The following CPT1B variants were observed in gnomAD, a reference collection of about 807,000 sequenced individuals.
CPT1B encodes carnitine palmitoyltransferase 1B.
A neutral mutation model predicts 92.7 loss-of-function variants in CPT1B; 57 were observed. That is an observed-to-expected ratio of 0.62 (90% confidence interval 0.50 to 0.77). CPT1B has a LOEUF of 0.77. Ranked by LOEUF, CPT1B falls within the 30% of genes least tolerant of loss-of-function variation. CPT1B has a pLI of 0.00. For missense variants in CPT1B, 983 were observed against 1,017.4 expected, an observed-to-expected ratio of 0.97 and a Z score of 0.46; for synonymous variants, 398 against 383.5, an observed-to-expected ratio of 1.04 and a Z score of -0.44.
In CPT1B at chr22:50,569,143, A is replaced by G. The variant is rs970060108; in HGVS notation, c.*3-62T>C. 6.0e-5 allele frequency: 32 copies of G among 533,892 alleles called. 1 individual carries two copies. Among genetic ancestry groups the G allele is most frequent in the Admixed American group, 5.6e-4 (16 of 28,730 alleles). 33.1% of individuals were successfully genotyped at this position (533,892 alleles called of 1,614,324 possible). A position where few individuals can be genotyped will look rare whatever the true frequency, so the allele number is the denominator to read the frequency against. On this transcript the variant is annotated intron_variant, in intron 19 of 19. Transcript: ENST00000312108. The stretch of plus-strand genomic sequence containing the variant: ...TCTATCAAGAAAAAAAAAAATCAAA[A>G]TTCCCTTCCTGCTCCAACCCCACCT...
chr22:50,576,323 C>G lies in CPT1B; in HGVS notation c.574G>C (p.Val192Leu), dbSNP rs967399238. ...TCCTCATCATCCAACAAGGGGCGCA[C>G]AGACTCTAGGTACTGTCCAGCCAGT... ...SATIQRYLES[V>L]RPLLDDEEYY... is the part of the protein sequence containing the mutation. The change falls in exon 6 of 20, where the codon GTG becomes CTG. Residue 192 changes from valine (V) to leucine (L), a missense_variant. Transcript: ENST00000312108. 6.2e-7 allele frequency: 1 copy of G among 1,613,958 alleles called. No individual in the cohort carries two copies. Among genetic ancestry groups the G allele is most frequent in the Admixed American group, 1.7e-5 (1 of 60,000 alleles).
chr22:50,577,925 TGGTCGGCACCTAGGAC>T lies in CPT1B; in HGVS notation c.-19-7_-11del, dbSNP rs765527353. The T allele has an allele frequency of 2.5e-6, 4 of 1,605,350 alleles. No homozygotes were observed. The Admixed American group carries it at 5.0e-5, about 20-fold the overall frequency. ...GGTGAGCTTCCGCCATCCTGGGGGT[TGGTCGGCACCTAGGAC>T]GGGGGCAGATGGGTGCGCGGGCGCG... On this transcript the variant is annotated splice_acceptor_variant and splice_polypyrimidine_tract_variant and 5_prime_UTR_variant and intron_variant, in exon 2 of 20. Coordinates refer to ENST00000312108, the MANE Select transcript of CPT1B (RefSeq NM_152246.3). LOFTEE classifies it low-confidence loss of function (5UTR_SPLICE).
intron 4 of CPT1B, 55 bp downstream of exon 4, chr22:50,576,802 G>C: frequency 6.2e-7 from 1 of 1,604,276 alleles, no homozygotes; most frequent in Non-Finnish European, 8.5e-7. Context: ...AACCCCAAAG[G>C]AGTCCAAAGA....
chr22:50,573,709 A>G lies in CPT1B; in HGVS notation c.977T>C (p.Leu326Pro). 6.2e-7 allele frequency: 1 copy of G among 1,612,176 alleles called. No individual in the cohort carries two copies. Among genetic ancestry groups the G allele is most frequent in the South Asian group, 1.1e-5 (1 of 91,008 alleles). ...TRIPGKDTDV[L>P]QHLSDSRHVA... is the part of the protein sequence containing the mutation. Reference sequence around the variant, plus strand: ...GTGCCGGCTGTCTGAGAGGTGCTGTAGCACATCTGTGATACAGGCCACGGG... The same window carrying G: ...GTGCCGGCTGTCTGAGAGGTGCTGTGGCACATCTGTGATACAGGCCACGGG... Residue 326 changes from leucine (L) to proline (P), a missense_variant, in exon 10 of 20, where the codon CTA (leucine) becomes CCA (proline). Transcript: ENST00000312108. This position sits in a 1 kb window ranked among gnomAD's most constrained non-coding sequence, Gnocchi z 5.0.
In CPT1B at chr22:50,572,926, G is replaced by A. The variant is rs774272143; in HGVS notation, c.1301C>T (p.Ala434Val). Residue 434 changes from alanine to valine, a missense_variant, in exon 11 of 20, where the codon GCC becomes GTC. Transcript: ENST00000312108. The part of the protein sequence containing the change: ...ESYSYDPEDE[A>V]SLSLYGKALL... ...GGCCTTGCCATAGAGGCTGAGGCTG[G>A]CCTCATCTTCGGGGTCATAGGAGTA... 11 of 1,613,464 alleles carry A rather than the reference G, an allele frequency of 6.8e-6. No homozygotes were observed. Among genetic ancestry groups the A allele is most frequent in the Admixed American group, 5.0e-5 (3 of 60,002 alleles).
Position 50,571,376 on chromosome 22 carries a change from C to A in CPT1B, c.1739G>T (p.Arg580Leu), listed in dbSNP as rs145751063. ...VQIALQLAHF[R>L]DRGKFCLTYE... Reference sequence around the variant, plus strand: ...AGCAGCGGGAGGCGGGGCTCCTACCCGGAAGTGAGCCAGCTGCAGCGCGAT... The same window carrying A: ...AGCAGCGGGAGGCGGGGCTCCTACCAGGAAGTGAGCCAGCTGCAGCGCGAT... Residue 580 changes from arginine to leucine, a missense_variant and splice_region_variant, in exon 14 of 20, where the codon CGG (arginine) becomes CTG (leucine). Coordinates refer to ENST00000312108, the MANE Select transcript of CPT1B (RefSeq NM_152246.3). 60 of 1,613,616 alleles carry A rather than the reference C, an allele frequency of 3.7e-5. No homozygotes were observed.
Position 50,573,392 on chromosome 22 carries a change from GACC to G in CPT1B, c.1166+125_1166+127del, listed in dbSNP as rs1357407374. 4.0e-5 allele frequency: 33 copies of G among 831,488 alleles called. No homozygotes were observed. Among genetic ancestry groups the G allele is most frequent in the Non-Finnish European group, 3.9e-5 (21 of 537,560 alleles). 51.5% of individuals were successfully genotyped at this position (831,488 alleles called of 1,614,324 possible). A position where few individuals can be genotyped will look rare whatever the true frequency, so the allele number is the denominator to read the frequency against. ...GTTATGCTGGCTGTCCTGCTGCCAT[GACC>G]ACCAATGCCCCTCCCCTAGTTGTGC... On this transcript the variant is annotated intron_variant, in intron 10 of 19. Coordinates refer to ENST00000312108, the MANE Select transcript of CPT1B (RefSeq NM_152246.3). The surrounding 1 kb of genome is among the most constrained non-coding windows in gnomAD (Gnocchi z 5.0).
At chr22:50,577,677 G>T in intron 2 of CPT1B, 98 bp downstream of exon 2, 1 of 1,532,528 alleles carries the variant, frequency 6.5e-7, no homozygotes, top group Non-Finnish European at 8.9e-7. Flanking sequence ...GTACCGGGCA[G>T]AAGTGCCAGC....
rs2070462578 is a variant in CPT1B, at chr22:50,576,842, C to G, written c.459+15G>C. ...CAACCCAGGTGCCTGAACCCCTCCA[C>G]TGGCTGCTGCTCACAGCCCAGATCC... is the stretch of plus-strand genomic sequence containing the variant. On this transcript the variant is annotated intron_variant, in intron 4 of 19. Transcript: ENST00000312108. 6.2e-7 allele frequency: 1 copy of G among 1,613,724 alleles called. No homozygotes were observed.
chr22:50,574,662 G>A (rs2070352249), intron 7 of CPT1B, 62 bp from the exon 8 acceptor site: 1 of 1,318,776 alleles, frequency 7.6e-7, no homozygotes, highest in Non-Finnish European at 1.1e-6. Flanking sequence ...GAGTCTTGCT[G>A]ACCCAAGGAC....
chr22:50,574,530 ATG>A lies in CPT1B; in HGVS notation c.846_847del (p.Met283ValfsTer4). The A allele has an allele frequency of 6.2e-7, 1 of 1,614,118 alleles. No homozygotes were observed. The highest frequency in any genetic ancestry group is 8.5e-7 in the Non-Finnish European group (1 of 1,180,010). ...TTCACGGTCCAGTTTACGGCGATAC[ATG>A]ATCATGGCGTGGATGATGTTTCCCA... On this transcript the variant is annotated frameshift_variant, in exon 8 of 20. Transcript: ENST00000312108. LOFTEE classifies it high-confidence loss of function.
rs149419563 is a variant in CPT1B at position 50,569,888 on chromosome 22, G to A, written c.2143-220C>T. 1.8e-4 allele frequency among the ~76,000 whole-genome samples: 28 copies of A among 152,252 alleles called. No homozygotes were observed. The East Asian group carries it at 3.9e-3, about 21-fold the overall frequency. On this transcript the variant is annotated intron_variant, in intron 17 of 19. Coordinates refer to ENST00000312108, the MANE Select transcript of CPT1B (RefSeq NM_152246.3). ...TGGGACCTCCCAGTTTCCCTCAGGG[G>A]GCTTATTCTCTAGATCACTCCGTCT...
Position 50,573,740 on chromosome 22 carries a change from T to G in CPT1B, c.971-25A>C, listed in dbSNP as rs2070300102. On this transcript the variant is annotated intron_variant, in intron 9 of 19. Coordinates refer to ENST00000312108, the MANE Select transcript of CPT1B (RefSeq NM_152246.3). This position sits in a 1 kb window ranked among gnomAD's most constrained non-coding sequence, Gnocchi z 5.0. ...TCTGTGATACAGGCCACGGGCAAGCTGAGGCGGGGCCCCCAGCTACATCCT... is the reference window on the plus strand; with the variant it reads ...TCTGTGATACAGGCCACGGGCAAGCGGAGGCGGGGCCCCCAGCTACATCCT... 1 of 1,602,260 alleles carries G rather than the reference T, an allele frequency of 6.2e-7. No individual in the cohort carries two copies. Among genetic ancestry groups the G allele is most frequent in the Non-Finnish European group, 8.5e-7 (1 of 1,174,134 alleles).
chr22:50,571,384 A>G lies in CPT1B; in HGVS notation c.1731T>C (p.Ala577=), dbSNP rs1262880170. ...GAGGCGGGGCTCCTACCCGGAAGTG[A>G]GCCAGCTGCAGCGCGATCTGCACAA... ...DAFVQIALQL[A]HFRDRGKFCL... The change falls in exon 14 of 20, where the codon GCT becomes GCC. Residue 577 remains alanine, a synonymous_variant. Transcript: ENST00000312108. 1 of 1,613,760 alleles carries G rather than the reference A, an allele frequency of 6.2e-7. No homozygotes were observed. The highest frequency in any genetic ancestry group is 1.3e-5 in the African/African-American group (1 of 75,042).
At position 50,570,421 on chromosome 22, in the gene CPT1B, A is replaced by G. The variant is rs2073605; in HGVS notation, c.2029-15T>C. On this transcript the variant is annotated splice_polypyrimidine_tract_variant and intron_variant, in intron 16 of 19. Transcript: ENST00000312108. ...TCCGAGAGCACCTGCAATGGAGGCC[A>G]CAGCTGGTCAGAGGCCACATACCCA... 0.077 allele frequency: 120,263 copies of G among 1,566,146 alleles called. 8,192 individuals are homozygous for G. Among genetic ancestry groups the G allele is most frequent in the East Asian group, 0.38 (17,104 of 44,440 alleles).
In CPT1B at chr22:50,577,948, A is replaced by G. The variant is rs764756577; in HGVS notation, c.-19-14T>C. The G allele has an allele frequency of 3.8e-6, 6 of 1,591,522 alleles. No homozygotes were observed. The highest frequency in any genetic ancestry group is 1.9e-4 in the Middle Eastern group (1 of 5,400). On this transcript the variant is annotated splice_polypyrimidine_tract_variant and intron_variant, in intron 1 of 19. Transcript: ENST00000312108. ...GTTGGTCGGCACCTAGGACGGGGGC[A>G]GATGGGTGCGCGGGCGCGCTTAGGC...
intron 18 of CPT1B, 39 bp from the exon 19 acceptor site, chr22:50,569,460 T>A: frequency 6.2e-7 from 1 of 1,611,454 alleles, no homozygotes; most frequent in East Asian, 2.2e-5. Flanking sequence ...TTCAGATATG[T>A]ACCCACCCCT....
intron 7 of CPT1B, 47 bp from the exon 8 acceptor site, chr22:50,574,647 C>G (rs1331497167): frequency 3.2e-5 from 49 of 1,515,532 alleles, no homozygotes; most frequent in Non-Finnish European, 4.5e-5. Flanking sequence ...GTCTGGGTGT[C>G]ACCTGAGTCT....
rs186124477 is a variant in CPT1B, at chr22:50,570,881, C to T, written c.2028+10G>A. 1,726 of 1,612,388 alleles carry T rather than the reference C, an allele frequency of 1.1e-3. 2 individuals carry two copies. Among genetic ancestry groups the T allele is most frequent in the Admixed American group, 2.7e-3 (159 of 59,998 alleles). Reference sequence around the variant, plus strand: ...GTGGGACAAAGGACACACCCAACAACGGTGCTGACCTCAGCAAGGAAAGGA... The same window carrying T: ...GTGGGACAAAGGACACACCCAACAATGGTGCTGACCTCAGCAAGGAAAGGA... On this transcript the variant is annotated intron_variant, in intron 16 of 19. Transcript: ENST00000312108.
Sources: allele counts gnomAD v4.1 joint callset (sites outside exome capture counted in the v4.1 genomes callset), GRCh38; gene constraint gnomAD v4.1.1; non-coding constraint Gnocchi (gnomAD v3.1); transcripts MANE v1.5; gene names NCBI Gene and HGNC (gene_info 2026-07-23, HGNC 2026-07-21).